The following CLCN5 variants were observed in gnomAD, a reference collection of about 807,000 sequenced individuals.
The protein encoded by CLCN5 is H(+)/Cl(-) exchange transporter 5.
Under a neutral mutation model 54.0 loss-of-function variants are expected in CLCN5, and 17 were observed. The observed-to-expected ratio is 0.31, with a 90% CI of 0.22 to 0.47. CLCN5 has a LOEUF of 0.47. Ranked by LOEUF, CLCN5 falls within the 20% of genes least tolerant of loss-of-function variation. The pLI is 1.00. For synonymous variants in CLCN5, 222 were observed against 233.0 expected, an observed-to-expected ratio of 0.95 and a Z score of 0.43; for missense variants, 448 against 646.7, an observed-to-expected ratio of 0.69 and a Z score of 3.33.
In CLCN5 at chrX:50,099,107, A is replaced by G. The variant is rs1189442510; in HGVS notation, c.*6888A>G. 8.8e-6 allele frequency: 1 copy of G among 113,017 alleles called. No homozygotes were observed. Among genetic ancestry groups the G allele is most frequent in the Non-Finnish European group, 1.9e-5 (1 of 53,333 alleles). 9.3% of individuals were successfully genotyped at this position (113,017 alleles called of 1,213,427 possible). Reference sequence around the variant, plus strand: ...TAAAAGCAATGGAATGGACATTGGCAGAAGGGTTAATGGATTGTCCAGCCC... The same window carrying G: ...TAAAAGCAATGGAATGGACATTGGCGGAAGGGTTAATGGATTGTCCAGCCC... On this transcript the variant is annotated 3_prime_UTR_variant, in exon 15 of 15. Transcript: ENST00000376091.
At chrX:50,007,440 T>TCTCTCTCA (rs1374630944) in intron 3 of CLCN5, among the ~76,000 whole-genome samples, 8 of 69,524 alleles carry the variant, frequency 1.2e-4, no homozygotes, top group African/African-American at 2.1e-4. Context: ...TCTCTCTCTG[T>TCTCTCTCA]CACACACACA....
rs1934239895 is a variant in CLCN5, at chrX:50,095,664, C to G, written c.*3445C>G. ...TACATTTCTTAGCAGATCTTCAATT[C>G]TGTTTGAACATGATGAAGTAACCAG... On this transcript the variant is annotated 3_prime_UTR_variant, in exon 15 of 15. Coordinates refer to ENST00000376091, the MANE Select transcript of CLCN5 (RefSeq NM_001127898.4). The G allele has an allele frequency of 8.9e-6, 1 of 112,734 alleles. No homozygotes were observed. The highest frequency in any genetic ancestry group is 1.9e-5 in the Non-Finnish European group (1 of 53,367). The allele number at this position is 112,734 out of a possible 1,213,427, so 9.3% of individuals were successfully genotyped here. A position where few individuals can be genotyped will look rare whatever the true frequency, so the allele number is the denominator to read the frequency against.
chrX:50,085,469 A>G (rs1028439891), intron 9 of CLCN5: 1 of 155,128 alleles, frequency 6.4e-6, no homozygotes, highest in African/African-American at 3.1e-5. Flanking sequence ...GGCATGGAGT[A>G]GGACACAGGG....
intron 5 of CLCN5, among the ~76,000 whole-genome samples, chrX:50,070,279 A>T (rs1219892207): frequency 1.8e-5 from 2 of 112,400 alleles, no homozygotes; most frequent in Admixed American, 1.9e-4. Context: ...TACATGTGCC[A>T]TGTTGGTGCT....
chrX:49,936,354 G>C (rs188902044), intron 3 of CLCN5, among the ~76,000 whole-genome samples: 2 of 111,922 alleles, frequency 1.8e-5, no homozygotes, highest in East Asian at 2.8e-4. Flanking sequence ...CCTGGTGTTA[G>C]AGATAATTAT....
rs782558879 is a variant in CLCN5, at chrX:49,931,688, A to G, written c.16+6374A>G. Among the ~76,000 whole-genome samples the G allele has an allele frequency of 5.4e-5, 6 of 110,586 alleles. No individual in the cohort carries two copies. The Admixed American group carries it at 5.8e-4, about 11-fold the overall frequency. On this transcript the variant is annotated intron_variant, in intron 3 of 14. Coordinates refer to ENST00000376091, the MANE Select transcript of CLCN5 (RefSeq NM_001127898.4). The stretch of plus-strand genomic sequence containing the variant: ...GAGGATTGCTTGAGTTCAGGAGTTC[A>G]AGACTAGCGTGGGCAACATAGATTC...
intron 3 of CLCN5, among the ~76,000 whole-genome samples, chrX:49,944,792 T>G (rs1262163771): frequency 1.8e-5 from 2 of 111,886 alleles, no homozygotes; most frequent in Non-Finnish European, 3.8e-5. Flanking sequence ...GATGTGCTGC[T>G]GGATTCGGTT....
intron 3 of CLCN5, among the ~76,000 whole-genome samples, chrX:49,957,038 C>T (rs1557173965): frequency 8.9e-6 from 1 of 112,047 alleles, no homozygotes; most frequent in African/African-American, 3.2e-5. Context: ...GTGGCTCATG[C>T]CTGTAATCCC....
chrX:50,000,794 A>T (rs1929761926), intron 3 of CLCN5, among the ~76,000 whole-genome samples: 1 of 112,168 alleles, frequency 8.9e-6, no homozygotes, highest in Non-Finnish European at 1.9e-5. Context: ...CGACGCATGT[A>T]TTGGGATTAA....
intron 3 of CLCN5, among the ~76,000 whole-genome samples, chrX:49,963,237 G>A (rs1474211966): frequency 9.0e-6 from 1 of 111,376 alleles, no homozygotes; most frequent in Non-Finnish European, 1.9e-5. Context: ...TCTTTTTTGG[G>A]AAGTATGTGG....
In CLCN5 at chrX:50,092,236, A is replaced by T; in HGVS notation, c.*17A>T. ...TTCAACTAGAATCATAGAGTTCTGG[A>T]TGTAAAGCGGGAAGGACATTACAGA... is the stretch of plus-strand genomic sequence containing the variant. On this transcript the variant is annotated 3_prime_UTR_variant, in exon 15 of 15. Transcript: ENST00000376091. 1.8e-6 allele frequency: 2 copies of T among 1,098,286 alleles called. No homozygotes were observed. The highest frequency in any genetic ancestry group is 2.5e-6 in the Non-Finnish European group (2 of 792,062). The allele number at this position is 1,098,286 out of a possible 1,213,427, so 90.5% of individuals were successfully genotyped here.
rs138798837 is a variant in CLCN5 at position 50,086,609 on chromosome X, C to T, written c.1296C>T (p.Val432=). The T allele has an allele frequency of 7.6e-5, 92 of 1,208,495 alleles. No homozygotes were observed. Among genetic ancestry groups the T allele is most frequent in the Middle Eastern group, 2.3e-4 (1 of 4,365 alleles). The change falls in exon 11 of 15, where the codon GTC becomes GTT. Residue 432 remains valine (V), a synonymous_variant. Transcript: ENST00000376091. ...AGTATCCTGTTATAGAGGTACTCGT[C>T]GTGACAGCCATCACTGCCATCCTGG... ...LGKYPVIEVL[V]VTAITAILAF... is the part of the protein sequence containing the mutation.
intron 7 of CLCN5, among the ~76,000 whole-genome samples, chrX:50,078,306 C>T (rs1472050815): frequency 9.0e-6 from 1 of 111,136 alleles, no homozygotes; most frequent in Admixed American, 9.5e-5. Context: ...TGCACTCCAA[C>T]CTGGGCAATG....
chrX:49,938,130 G>C (rs1239619754), intron 3 of CLCN5, among the ~76,000 whole-genome samples: 1 of 111,041 alleles, frequency 9.0e-6, no homozygotes, highest in Non-Finnish European at 1.9e-5. Context: ...CTAATATTTG[G>C]GGTTTTAGCC....
chrX:50,085,717 C>CG lies in CLCN5; in HGVS notation c.934-256dup, dbSNP rs1425252643. The CG allele has an allele frequency of 1.4e-4, 52 of 379,099 alleles. 1 individual carries two copies. The highest frequency in any genetic ancestry group is 1.0e-3 in the South Asian group (29 of 28,100). The allele number at this position is 379,099 out of a possible 1,213,427, so 31.2% of individuals were successfully genotyped here. ...GAATTGGGAGTATGGGAGATAAGGG[C>CG]GGGGGGGCGGTGCATAATTTAGAAT... is the stretch of plus-strand genomic sequence containing the variant. On this transcript the variant is annotated intron_variant, in intron 9 of 14. Transcript: ENST00000376091.
intron 3 of CLCN5, among the ~76,000 whole-genome samples, chrX:50,002,000 T>G (rs1929845731): frequency 9.0e-6 from 1 of 110,794 alleles, no homozygotes; most frequent in African/African-American, 3.3e-5. Flanking sequence ...TGAGGTTGTC[T>G]TCTTACCTCA....
rs781940223 is a variant in CLCN5, at chrX:50,063,475, T to C, written c.164-6404T>C. 4.1e-3 allele frequency among the ~76,000 whole-genome samples: 440 copies of C among 107,852 alleles called. 5 individuals carry two copies. Among genetic ancestry groups the C allele is most frequent in the Non-Finnish European group, 7.1e-3 (374 of 53,046 alleles). The allele number at this position is 107,852 out of a possible 115,157, so 93.7% of individuals were successfully genotyped here. A position where few individuals can be genotyped will look rare whatever the true frequency, so the allele number is the denominator to read the frequency against. ...CTAAACCAGGAAGAAGTTGAGTCTC[T>C]GAATAGACCAATAACAGGAGCTGAA... On this transcript the variant is annotated intron_variant, in intron 4 of 14. Transcript: ENST00000376091.
intron 3 of CLCN5, among the ~76,000 whole-genome samples, chrX:49,999,938 T>A (rs782726917): frequency 1.2e-4 from 13 of 111,685 alleles, no homozygotes; most frequent in African/African-American, 4.2e-4. Context: ...TATGATATTT[T>A]AAAAATTTGC....
intron 3 of CLCN5, among the ~76,000 whole-genome samples, chrX:49,936,791 G>A (rs7050667): frequency 0.078 from 8,680 of 111,776 alleles, 853 homozygotes; most frequent in African/African-American, 0.27. Flanking sequence ...GGAACTGCAT[G>A]AAGGTCACTT....
Sources: gnomAD v4.1 joint callset for allele counts (sites outside exome capture counted in the v4.1 genomes callset) on GRCh38, gnomAD v4.1.1 for gene constraint, MANE v1.5 for transcripts, NCBI Gene and HGNC (gene_info 2026-07-23, HGNC 2026-07-21) for gene names.